Variants in GRIK1 observed in about 807,000 individuals in gnomAD.
GRIK1 encodes the protein glutamate ionotropic receptor kainate type subunit 1.
Under a neutral mutation model 105.7 loss-of-function variants are expected in GRIK1, and 69 were observed. The observed-to-expected ratio is 0.65, with a 90% CI of 0.54 to 0.80. The LOEUF is 0.80. Ranked by LOEUF, GRIK1 falls within the 30% of genes least tolerant of loss-of-function variation. The pLI is 0.00. For synonymous variants in GRIK1, 438 were observed against 431.3 expected (o/e 1.02, Z -0.19); for missense variants, 1,109 against 1,167.3 (o/e 0.95, Z 0.73).
chr21:29,746,778 G>A (rs1177841732), intron 1 of GRIK1, among the ~76,000 whole-genome samples: 1 of 152,098 alleles, frequency 6.6e-6, no homozygotes, highest in African/African-American at 2.4e-5. Context: ...CCAATTGAAG[G>A]GAACAACCAG....
Position 29,921,789 on chromosome 21 carries a change from A to G in GRIK1, c.118+17594T>C, listed in dbSNP as rs576826076. On this transcript the variant is annotated intron_variant, in intron 1 of 17. Coordinates refer to ENST00000327783, the MANE Select transcript of GRIK1 (RefSeq NM_001330994.2). Reference sequence around the variant, plus strand: ...TAACGTACGCTAAAACTTGACAAATAGAATTGGACAAGGTTCTAGAGGAAA... The same window carrying G: ...TAACGTACGCTAAAACTTGACAAATGGAATTGGACAAGGTTCTAGAGGAAA... 2.0e-5 allele frequency among the ~76,000 whole-genome samples: 3 copies of G among 152,324 alleles called. No individual in the cohort carries two copies. The East Asian group carries it at 5.8e-4, about 29-fold the overall frequency.
At chr21:29,886,789 C>T (rs562591865) in intron 1 of GRIK1, among the ~76,000 whole-genome samples, 1 of 152,178 alleles carries the variant, frequency 6.6e-6, no homozygotes, top group African/African-American at 2.4e-5. Flanking sequence ...CATCCGTAAA[C>T]ATAAATCCTG....
intron 1 of GRIK1, among the ~76,000 whole-genome samples, chr21:29,925,690 G>A (rs2071346427): frequency 6.6e-6 from 1 of 152,150 alleles, no homozygotes; most frequent in South Asian, 2.1e-4. Flanking sequence ...ATTGTTCACC[G>A]ATTTTGTCTT....
At chr21:29,777,016 G>A (rs2065963308) in intron 1 of GRIK1, among the ~76,000 whole-genome samples, 1 of 152,142 alleles carries the variant, frequency 6.6e-6, no homozygotes. Context: ...TCCTAAATTA[G>A]CCTAAGGAAG....
chr21:29,798,550 A>G (rs2066617618), intron 1 of GRIK1, among the ~76,000 whole-genome samples: 1 of 152,208 alleles, frequency 6.6e-6, no homozygotes, highest in Non-Finnish European at 1.5e-5. Context: ...CAGTCTTAAC[A>G]TTGTATCACA....
intron 1 of GRIK1, among the ~76,000 whole-genome samples, chr21:29,856,092 G>T (rs2068455312): frequency 6.6e-6 from 1 of 152,156 alleles, no homozygotes. Context: ...GATTTCTGGG[G>T]TACAAGTAGT....
Position 29,694,079 on chromosome 21 carries a change from A to C in GRIK1, c.119-16T>G. 3 of 1,521,164 alleles carry C rather than the reference A, an allele frequency of 2.0e-6. No homozygotes were observed. Among genetic ancestry groups the C allele is most frequent in the Non-Finnish European group, 2.7e-6 (3 of 1,096,876 alleles). The allele number at this position is 1,521,164 out of a possible 1,614,324, so 94.2% of individuals were successfully genotyped here. A position where few individuals can be genotyped will look rare whatever the true frequency, so the allele number is the denominator to read the frequency against. ...AAAATCCCTCCTGCAGAAGCAAAAG[A>C]GATGCATGAGAAGCGTTAGTCACAT... On this transcript the variant is annotated splice_polypyrimidine_tract_variant and intron_variant, in intron 1 of 17. Coordinates refer to ENST00000327783, the MANE Select transcript of GRIK1 (RefSeq NM_001330994.2).
intron 1 of GRIK1, among the ~76,000 whole-genome samples, chr21:29,919,826 G>C (rs1050536083): frequency 2.0e-5 from 3 of 152,142 alleles, no homozygotes; most frequent in African/African-American, 2.4e-5. Flanking sequence ...AGGGGCCAAC[G>C]TGCTTCAGGA....
At chr21:29,539,697 C>T (rs917212138) in intron 16 of GRIK1, among the ~76,000 whole-genome samples, 2 of 151,910 alleles carry the variant, frequency 1.3e-5, no homozygotes, top group Non-Finnish European at 2.9e-5. Context: ...AAATTTATTT[C>T]AATGGAAGAA....
intron 6 of GRIK1, among the ~76,000 whole-genome samples, chr21:29,649,898 A>G (rs1426123330): frequency 1.3e-5 from 2 of 152,184 alleles, no homozygotes; most frequent in Non-Finnish European, 2.9e-5. Context: ...ACCATATTTG[A>G]ACTCATTGAA....
intron 1 of GRIK1, among the ~76,000 whole-genome samples, chr21:29,779,494 G>GGTGTGTGTGT (rs3054349): frequency 1.4e-5 from 2 of 148,018 alleles, no homozygotes; most frequent in African/African-American, 5.0e-5. Flanking sequence ...GCCCTTTTAT[G>GGTGTGTGTGT]GTGTGTGTGT....
intron 4 of GRIK1, chr21:29,657,698 G>C (rs2062881264): frequency 6.6e-6 from 1 of 152,184 alleles, no homozygotes; most frequent in Non-Finnish European, 1.5e-5. Flanking sequence ...ATCTTGATAA[G>C]AACAACAAAG....
At chr21:29,719,862 T>C (rs2064277405) in intron 1 of GRIK1, among the ~76,000 whole-genome samples, 1 of 152,180 alleles carries the variant, frequency 6.6e-6, no homozygotes, top group Non-Finnish European at 1.5e-5. Context: ...CTCCCCTTTA[T>C]TAAAGGAAAA....
chr21:29,738,296 C>T (rs1330399136), intron 1 of GRIK1, among the ~76,000 whole-genome samples: 1 of 152,218 alleles, frequency 6.6e-6, no homozygotes, highest in African/African-American at 2.4e-5. Flanking sequence ...TATATGCATG[C>T]ATTTCTCTTA....
intron 1 of GRIK1, among the ~76,000 whole-genome samples, chr21:29,835,213 G>A (rs1264896802): frequency 6.6e-6 from 1 of 152,064 alleles, no homozygotes; most frequent in Non-Finnish European, 1.5e-5. Flanking sequence ...GAAATTTCAT[G>A]GGGACTTACC....
chr21:29,914,739 G>C (rs2070935624), intron 1 of GRIK1, among the ~76,000 whole-genome samples: 1 of 152,036 alleles, frequency 6.6e-6, no homozygotes, highest in Admixed American at 6.6e-5. Context: ...GCCATGTTGA[G>C]ATAGAGTCTA....
chr21:29,919,938 C>T (rs2071135783), intron 1 of GRIK1, among the ~76,000 whole-genome samples: 1 of 152,040 alleles, frequency 6.6e-6, no homozygotes, highest in Non-Finnish European at 1.5e-5. Flanking sequence ...TCATTTCTGG[C>T]TGACATTCTT....
chr21:29,915,886 T>A (rs1282574075), intron 1 of GRIK1, among the ~76,000 whole-genome samples: 2 of 151,996 alleles, frequency 1.3e-5, no homozygotes, highest in African/African-American at 4.8e-5. Flanking sequence ...CTGAAAATTA[T>A]TTTTCAACAT....
At chr21:29,886,952 G>A (rs566722162) in intron 1 of GRIK1, among the ~76,000 whole-genome samples, 6 of 152,266 alleles carry the variant, frequency 3.9e-5, no homozygotes, top group African/African-American at 1.2e-4. Context: ...GTTAAAGAGA[G>A]ACACCTTATT....
Sources: gnomAD v4.1 joint callset for allele counts (sites outside exome capture counted in the v4.1 genomes callset) on GRCh38, gnomAD v4.1.1 for gene constraint, MANE v1.5 for transcripts, NCBI Gene and HGNC (gene_info 2026-07-23, HGNC 2026-07-21) for gene names.